Variants in GAB3 observed in about 807,000 individuals in gnomAD.
The protein encoded by GAB3 is GRB2 associated binding protein 3.
A neutral mutation model predicts 40.4 loss-of-function variants in GAB3; 12 were observed. The observed-to-expected ratio is 0.30, with a 90% CI of 0.19 to 0.48. The LOEUF (loss-of-function observed/expected upper bound fraction) is 0.48, where lower values mean the gene tolerates loss of function less well. Ranked by LOEUF, GAB3 falls within the 20% of genes least tolerant of loss-of-function variation. The pLI is 0.99. For missense variants in GAB3, 381 were observed against 461.9 expected (o/e 0.82, Z 1.61); for synonymous variants, 154 against 176.7 (o/e 0.87, Z 1.02).
intron 1 of GAB3, among the ~76,000 whole-genome samples, chrX:154,721,196 G>C (rs1353009945): frequency 1.8e-5 from 2 of 112,499 alleles, no homozygotes; most frequent in African/African-American, 3.2e-5. Flanking sequence ...ATGGGTGAAG[G>C]ATCTGAACAG....
rs782582639 is a variant in GAB3 at position 154,726,766 on chromosome X, C to T, written c.73-10437G>A. On this transcript the variant is annotated intron_variant, in intron 1 of 9. Transcript: ENST00000424127. ...CAGTACCTCCCAATGGTATCGCCAT[C>T]CTTCCATTCTGTAAATACAAAAACT... Among the ~76,000 whole-genome samples the T allele has an allele frequency of 5.4e-5, 6 of 111,759 alleles. No homozygotes were observed. The South Asian group carries it at 2.2e-3, about 41-fold the overall frequency.
chrX:154,694,051 CAT>C (rs1216698212), intron 8 of GAB3, among the ~76,000 whole-genome samples: 1 of 111,034 alleles, frequency 9.0e-6, no homozygotes, highest in Non-Finnish European at 1.9e-5. Context: ...AAAAAATTAA[CAT>C]ATATACTTAT....
intron 6 of GAB3, among the ~76,000 whole-genome samples, chrX:154,697,960 A>G (rs192502767): frequency 8.9e-6 from 1 of 112,110 alleles, no homozygotes; most frequent in Admixed American, 9.4e-5. Context: ...TCCACTCATT[A>G]AATCTCCAAC....
chrX:154,746,947 A>G (rs1337373592), intron 1 of GAB3, among the ~76,000 whole-genome samples: 1 of 113,106 alleles, frequency 8.8e-6, no homozygotes, highest in Non-Finnish European at 1.9e-5. Flanking sequence ...TGTTGTTGGC[A>G]TAAAACAAAT....
At chrX:154,741,686 AAAAAAAAAAAGG>A (rs2071444067) in intron 1 of GAB3, among the ~76,000 whole-genome samples, 1 of 109,309 alleles carries the variant, frequency 9.1e-6, no homozygotes, top group Non-Finnish European at 1.9e-5. Flanking sequence ...AAAAAAAAAA[AAAAAAAAAAAGG>A]AAAAGAGGAA....
At chrX:154,708,966 T>G in intron 4 of GAB3, among the ~76,000 whole-genome samples, 1 of 111,904 alleles carries the variant, frequency 8.9e-6, no homozygotes, top group Non-Finnish European at 1.9e-5. Flanking sequence ...TTTGGCCCTG[T>G]GTCCCCCACA....
chrX:154,710,410 AGTAATTAAGAGAGTGTGGCACTG>A (rs1432399758), intron 4 of GAB3, among the ~76,000 whole-genome samples: 4 of 111,990 alleles, frequency 3.6e-5, no homozygotes, highest in African/African-American at 1.3e-4. Flanking sequence ...AGAATGGTAC[AGTAATTAAGAGAGTGTGGCACTG>A]GTGCAAGCTG....
chrX:154,686,965 G>A lies in GAB3; in HGVS notation c.1531-6717C>T, dbSNP rs191474212. On this transcript the variant is annotated intron_variant, in intron 8 of 9. Transcript: ENST00000424127. Reference sequence around the variant, plus strand: ...AGCACTTTGGGAGGCTGAGGCAGACGGATCACTTGAGGTCGGGGGTTCGAG... The same window carrying A: ...AGCACTTTGGGAGGCTGAGGCAGACAGATCACTTGAGGTCGGGGGTTCGAG... Among the ~76,000 whole-genome samples, 249 of 110,647 alleles carry A rather than the reference G, an allele frequency of 2.3e-3. 1 individual carries two copies. Among genetic ancestry groups the A allele is most frequent in the African/African-American group, 7.9e-3 (239 of 30,397 alleles).
intron 1 of GAB3, among the ~76,000 whole-genome samples, chrX:154,741,535 G>A (rs2071439222): frequency 9.1e-6 from 1 of 109,508 alleles, no homozygotes; most frequent in African/African-American, 3.3e-5. Flanking sequence ...AATGAGCCGG[G>A]TGCAGTGGCA....
intron 2 of GAB3, among the ~76,000 whole-genome samples, chrX:154,713,850 A>C (rs190038801): frequency 2.0e-5 from 2 of 98,157 alleles, no homozygotes; most frequent in Admixed American, 2.2e-4. Flanking sequence ...ATACCTATAC[A>C]TGTTTATTAT....
At chrX:154,722,265 TA>T (rs201753463) in intron 1 of GAB3, among the ~76,000 whole-genome samples, 9 of 104,975 alleles carry the variant, frequency 8.6e-5, no homozygotes, top group African/African-American at 2.1e-4. Context: ...TATAAATATA[TA>T]AAAAAAAAAC....
At chrX:154,722,909 G>T (rs1472501818) in intron 1 of GAB3, among the ~76,000 whole-genome samples, 1 of 110,360 alleles carries the variant, frequency 9.1e-6, no homozygotes, top group Non-Finnish European at 1.9e-5. Context: ...AGAGTTTTTT[G>T]CTCTTGTCGC....
intron 8 of GAB3, among the ~76,000 whole-genome samples, chrX:154,690,418 G>A (rs1201381045): frequency 1.3e-4 from 14 of 111,790 alleles, no homozygotes; most frequent in Admixed American, 2.8e-4. Context: ...TTGACAAATC[G>A]GAACTAATTA....
intron 4 of GAB3, among the ~76,000 whole-genome samples, chrX:154,709,901 A>G (rs782820863): frequency 6.3e-5 from 7 of 111,847 alleles, no homozygotes; most frequent in Non-Finnish European, 1.3e-4. Context: ...AGTCAAACTC[A>G]TGGCAATAGT....
intron 1 of GAB3, among the ~76,000 whole-genome samples, chrX:154,746,357 C>T (rs2071529216): frequency 8.9e-6 from 1 of 112,007 alleles, no homozygotes; most frequent in Non-Finnish European, 1.9e-5. Context: ...AAAGCAAATC[C>T]AGAAATATAT....
chrX:154,712,445 TG>T lies in GAB3; in HGVS notation c.852del (p.Ile285PhefsTer3). The T allele has an allele frequency of 8.3e-7, 1 of 1,211,157 alleles. No individual in the cohort carries two copies. The highest frequency in any genetic ancestry group is 1.1e-6 in the Non-Finnish European group (1 of 895,047). On this transcript the variant is annotated frameshift_variant, in exon 4 of 10. Coordinates refer to ENST00000424127, the MANE Select transcript of GAB3 (RefSeq NM_001081573.3). LOFTEE classifies it high-confidence loss of function. ...GAACCTTGATTTTTATCTACCTGAA[TG>T]GTGGAACTTAAGGAACTTTCCAGCA... ...SPLLESSLSS[T>X]IQVDKNQGSL...
At chrX:154,697,337 G>A in intron 6 of GAB3, 124 bp from the exon 7 acceptor site, 1 of 438,969 alleles carries the variant, frequency 2.3e-6, no homozygotes, top group Admixed American at 4.6e-5. Flanking sequence ...GATGATGAGG[G>A]TGAATTTCAC....
intron 3 of GAB3, 84 bp from the exon 4 acceptor site, chrX:154,712,785 C>T: frequency 1.9e-6 from 1 of 531,873 alleles, no homozygotes; most frequent in Non-Finnish European, 2.9e-6. Context: ...TCCCATCTCC[C>T]CAGTACCACC....
intron 4 of GAB3, among the ~76,000 whole-genome samples, chrX:154,709,482 G>A (rs1390696083): frequency 9.2e-5 from 10 of 109,032 alleles, no homozygotes; most frequent in Non-Finnish European, 5.7e-5. Context: ...CACCACACTG[G>A]GTAATTTTTG....
Sources: gnomAD v4.1 joint callset for allele counts (sites outside exome capture counted in the v4.1 genomes callset) on GRCh38, gnomAD v4.1.1 for gene constraint, MANE v1.5 for transcripts, NCBI Gene and HGNC (gene_info 2026-07-23, HGNC 2026-07-21) for gene names.